STPG2: variants seen among roughly 807,000 people sequenced by gnomAD.
The protein encoded by STPG2 is sperm tail PG-rich repeat containing 2.
Under a neutral mutation model 54.2 loss-of-function variants are expected in STPG2, and 56 were observed. That is an observed-to-expected ratio of 1.03 (90% CI 0.83 to 1.29). The LOEUF is 1.29. STPG2 is among the 50% of genes most tolerant of loss of function. The probability of loss-of-function intolerance (pLI) is 0.00; values close to 1 mark genes in which losing one functional copy is unlikely to be tolerated. For missense variants in STPG2, 596 were observed against 544.9 expected (o/e 1.09, Z -0.93); for synonymous variants, 200 against 181.8 (o/e 1.10, Z -0.81).
intron 4 of STPG2, chr4:97,441,446 A>T (rs1729078126): frequency 6.6e-6 from 1 of 151,980 alleles, no homozygotes. Context: ...TGAGCAGCTG[A>T]TGGAGGACAT....
chr4:97,586,896 C>T (rs956866317), intron 10 of STPG2, among the ~76,000 whole-genome samples: 6 of 151,850 alleles, frequency 4.0e-5, no homozygotes, highest in Non-Finnish European at 7.4e-5. Context: ...AACCACAGAG[C>T]AGAAATATGG....
intron 5 of STPG2, among the ~76,000 whole-genome samples, chr4:98,026,622 A>G (rs1241494267): frequency 1.3e-5 from 2 of 152,108 alleles, no homozygotes; most frequent in African/African-American, 4.8e-5. Context: ...ACAAGCCCCA[A>G]TCTGCCATTA....
intron 3 of STPG2, among the ~76,000 whole-genome samples, chr4:98,111,546 C>T (rs2110146473): frequency 6.6e-6 from 1 of 152,254 alleles, no homozygotes; most frequent in African/African-American, 2.4e-5. Context: ...TTACCACTAA[C>T]ACCTAGCCCC....
At chr4:97,905,285 C>G (rs1186008432) in intron 8 of STPG2, among the ~76,000 whole-genome samples, 5 of 152,264 alleles carry the variant, frequency 3.3e-5, no homozygotes, top group Admixed American at 1.3e-4. Flanking sequence ...AGCCAGAAGA[C>G]AGTGGGGGCC....
At chr4:97,790,790 C>A (rs1229662280) in intron 9 of STPG2, among the ~76,000 whole-genome samples, 2 of 152,148 alleles carry the variant, frequency 1.3e-5, no homozygotes, top group Non-Finnish European at 2.9e-5. Flanking sequence ...CCTGAATAGT[C>A]CAGGTTAATC....
At chr4:97,579,080 C>A (rs1443759181) in intron 10 of STPG2, among the ~76,000 whole-genome samples, 1 of 152,110 alleles carries the variant, frequency 6.6e-6, no homozygotes, top group Admixed American at 6.6e-5. Context: ...AATAATCAAT[C>A]TTTAAATTGC....
At chr4:97,654,133 C>A (rs1329340575) in intron 10 of STPG2, among the ~76,000 whole-genome samples, 1 of 152,006 alleles carries the variant, frequency 6.6e-6, no homozygotes, top group Non-Finnish European at 1.5e-5. Context: ...TGAAAGTTGG[C>A]TGGAACTCAA....
intron 9 of STPG2, among the ~76,000 whole-genome samples, chr4:97,830,222 A>G (rs1396928751): frequency 1.3e-5 from 2 of 152,208 alleles, no homozygotes; most frequent in African/African-American, 4.8e-5. Context: ...CCAATATTCA[A>G]CATTCTTAAA....
intron 9 of STPG2, among the ~76,000 whole-genome samples, chr4:97,720,428 T>C (rs879388110): frequency 2.0e-5 from 3 of 152,008 alleles, no homozygotes; most frequent in Non-Finnish European, 2.9e-5. Flanking sequence ...GGCTTCACTT[T>C]ATGGTTTTAA....
intron 9 of STPG2, among the ~76,000 whole-genome samples, chr4:97,811,836 A>T (rs1727750004): frequency 1.3e-5 from 2 of 152,044 alleles, no homozygotes; most frequent in Admixed American, 1.3e-4. Flanking sequence ...GGGTAATGGA[A>T]GGATTGTTAG....
intron 7 of STPG2, among the ~76,000 whole-genome samples, chr4:97,949,330 T>C (rs1733372181): frequency 6.6e-6 from 1 of 152,174 alleles, no homozygotes; most frequent in African/African-American, 2.4e-5. Flanking sequence ...GGTGAGTCTC[T>C]TGAAGACCAA....
intron 5 of STPG2, among the ~76,000 whole-genome samples, chr4:98,082,868 T>C (rs943227708): frequency 2.0e-5 from 3 of 152,140 alleles, no homozygotes; most frequent in African/African-American, 2.4e-5. Context: ...AGCCCTTACA[T>C]TGGCACACAA....
At chr4:97,574,296 G>C (rs1160177359) in intron 10 of STPG2, among the ~76,000 whole-genome samples, 1 of 152,070 alleles carries the variant, frequency 6.6e-6, no homozygotes, top group African/African-American at 2.4e-5. Flanking sequence ...CTCATTGCAA[G>C]GTTCATGGCT....
At chr4:98,027,236 A>ACATGGAAAGCT (rs1736451781) in intron 5 of STPG2, among the ~76,000 whole-genome samples, 2 of 152,230 alleles carry the variant, frequency 1.3e-5, no homozygotes, top group African/African-American at 4.8e-5. Context: ...AGTCTCTTTT[A>ACATGGAAAGCT]CCATGTCAAA....
chr4:97,608,044 G>A (rs1461782375), intron 10 of STPG2, among the ~76,000 whole-genome samples: 1 of 151,952 alleles, frequency 6.6e-6, no homozygotes, highest in Non-Finnish European at 1.5e-5. Flanking sequence ...AAGGTGGGGG[G>A]AAAGGAGGCA....
At chr4:97,650,284 C>G (rs1279507821) in intron 10 of STPG2, among the ~76,000 whole-genome samples, 3 of 152,078 alleles carry the variant, frequency 2.0e-5, no homozygotes, top group Non-Finnish European at 2.9e-5. Context: ...GATCTCTATC[C>G]TAGAAGACCA....
chr4:97,586,092 C>A (rs568745347), intron 10 of STPG2, among the ~76,000 whole-genome samples: 2 of 151,872 alleles, frequency 1.3e-5, no homozygotes, highest in East Asian at 3.9e-4. Flanking sequence ...ATTGTAAATT[C>A]TCTTACAACA....
intron 4 of STPG2, among the ~76,000 whole-genome samples, chr4:97,500,291 T>G (rs1487881315): frequency 2.0e-5 from 3 of 151,950 alleles, no homozygotes; most frequent in Non-Finnish European, 4.4e-5. Flanking sequence ...AAAATAAAAA[T>G]GTAGCCATTA....
intron 8 of STPG2, among the ~76,000 whole-genome samples, chr4:97,918,627 C>T (rs1361492612): frequency 6.6e-6 from 1 of 151,954 alleles, no homozygotes; most frequent in Non-Finnish European, 1.5e-5. Flanking sequence ...TGGAATACTA[C>T]TAAGCCATAA....
Sources: allele counts gnomAD v4.1 joint callset (sites outside exome capture counted in the v4.1 genomes callset), GRCh38; gene constraint gnomAD v4.1.1; transcripts MANE v1.5; gene names NCBI Gene and HGNC (gene_info 2026-07-23, HGNC 2026-07-21).